Variants in SOS2 observed in about 807,000 individuals in gnomAD.
The protein encoded by SOS2 is SOS Ras/Rho guanine nucleotide exchange factor 2.
SOS2 carries 65 observed loss-of-function variants against 148.2 expected under a neutral mutation model. The observed-to-expected ratio is 0.44, with a 90% CI of 0.36 to 0.54. SOS2 has a LOEUF of 0.54. Ranked by LOEUF, SOS2 falls within the 20% of genes least tolerant of loss-of-function variation. The pLI, the probability that SOS2 is intolerant of heterozygous loss-of-function variation, is 0.00. For synonymous variants in SOS2, 539 were observed against 537.1 expected, an observed-to-expected ratio of 1.00 and a Z score of -0.05; for missense variants, 1,341 against 1,590.2, an observed-to-expected ratio of 0.84 and a Z score of 2.67.
intron 8 of SOS2, among the ~76,000 whole-genome samples, chr14:50,174,078 C>G (rs1885449787): frequency 6.6e-6 from 1 of 152,282 alleles, no homozygotes; most frequent in South Asian, 2.1e-4. Flanking sequence ...TAAGCCACAG[C>G]TACTTTTGCC....
chr14:50,231,201 C>A lies in SOS2; in HGVS notation c.83G>T (p.Arg28Leu). ...CGCCCCGCCCCTAGCACTGACCTTC[C>A]GCAGGGCCGAGACCAACAGTCCCCG... The part of the protein sequence containing the change: ...KWRGLLVSAL[R>L]KVQEQVHPTL... The change falls in exon 1 of 23, where the codon CGG becomes CTG. Residue 28 changes from arginine to leucine, a missense_variant. Around this residue, in one of 4 missense-constraint regions of SOS2, gnomAD observed 574 missense variants for 711.1 expected, o/e 0.81. Transcript: ENST00000216373. 1.4e-6 allele frequency: 2 copies of A among 1,475,600 alleles called. No homozygotes were observed. The highest frequency in any genetic ancestry group is 9.1e-7 in the Non-Finnish European group (1 of 1,097,722). The allele number at this position is 1,475,600 out of a possible 1,614,324, so 91.4% of individuals were successfully genotyped here. A position where few individuals can be genotyped will look rare whatever the true frequency, so the allele number is the denominator to read the frequency against.
chr14:50,204,222 G>T, intron 2 of SOS2, 62 bp downstream of exon 2: 2 of 975,942 alleles, frequency 2.0e-6, no homozygotes, highest in Non-Finnish European at 3.0e-6. Context: ...GAATGATATA[G>T]ATACAAAAAT....
chr14:50,179,273 TA>T (rs2139697046), intron 7 of SOS2, among the ~76,000 whole-genome samples: 1 of 152,210 alleles, frequency 6.6e-6, no homozygotes, highest in South Asian at 2.1e-4. Context: ...TCACTCTAGT[TA>T]ATTATTCTAC....
intron 18 of SOS2, 33 bp downstream of exon 18, chr14:50,138,579 T>A: frequency 1.6e-6 from 2 of 1,215,064 alleles, no homozygotes; most frequent in Non-Finnish European, 2.3e-6. Flanking sequence ...ATTAACACGT[T>A]CTCTTCTAAA....
chr14:50,127,787 C>A (rs1215441534), intron 21 of SOS2, among the ~76,000 whole-genome samples: 2 of 152,170 alleles, frequency 1.3e-5, no homozygotes, highest in African/African-American at 4.8e-5. Flanking sequence ...ATCACTCTCA[C>A]ATCTAGAATA....
At chr14:50,181,905 T>TTTCCA (rs1885753136) in intron 6 of SOS2, among the ~76,000 whole-genome samples, 1 of 151,964 alleles carries the variant, frequency 6.6e-6, no homozygotes, top group Non-Finnish European at 1.5e-5. Context: ...ATAAAGCTTC[T>TTTCCA]TTCCAACTTT....
At chr14:50,149,888 A>G in intron 14 of SOS2, 120 bp downstream of exon 14, 4 of 720,606 alleles carry the variant, frequency 5.6e-6, no homozygotes, top group Non-Finnish European at 9.5e-6. Flanking sequence ...CTTTCCTCTA[A>G]GCCCATGAGA....
Position 50,145,465 on chromosome 14 carries a change from A to G in SOS2, c.2504+12T>C, listed in dbSNP as rs1450971042. ...GGCTATTAGGAGGTAGTAAGAGTAA[A>G]TTAAAACTTACTTTTCAAACCAGAG... On this transcript the variant is annotated intron_variant, in intron 15 of 22. Coordinates refer to ENST00000216373, the MANE Select transcript of SOS2 (RefSeq NM_006939.4). 1 of 1,594,528 alleles carries G rather than the reference A, an allele frequency of 6.3e-7. No individual in the cohort carries two copies. The highest frequency in any genetic ancestry group is 1.7e-5 in the Admixed American group (1 of 57,328).
chr14:50,129,064 G>T (rs1450047976), intron 21 of SOS2, among the ~76,000 whole-genome samples: 1 of 152,130 alleles, frequency 6.6e-6, no homozygotes, highest in Non-Finnish European at 1.5e-5. Context: ...TATACCCAAA[G>T]GTGCTGTGTT....
intron 21 of SOS2, among the ~76,000 whole-genome samples, chr14:50,122,391 C>CTTTTTTTTGTTTTTTTTTTTT (rs1883542446): frequency 1.1e-5 from 1 of 88,308 alleles, no homozygotes; most frequent in African/African-American, 4.8e-5. Context: ...GAACCCTGGG[C>CTTTTTTTTGTTTTTTTTTTTT]TTTTTTTTTT....
intron 1 of SOS2, among the ~76,000 whole-genome samples, chr14:50,219,415 A>T (rs1050931144): frequency 1.3e-5 from 2 of 152,064 alleles, no homozygotes; most frequent in Non-Finnish European, 2.9e-5. Context: ...AGCCAGATTG[A>T]AAAAAAAGAG....
At chr14:50,195,504 G>A (rs903712476) in intron 4 of SOS2, among the ~76,000 whole-genome samples, 1 of 152,160 alleles carries the variant, frequency 6.6e-6, no homozygotes, top group Non-Finnish European at 1.5e-5. Context: ...GCCAACACCT[G>A]TAATCCCAGC....
intron 3 of SOS2, 45 bp from the exon 4 acceptor site, chr14:50,199,900 A>AC: frequency 8.0e-7 from 1 of 1,244,904 alleles, no homozygotes; most frequent in Non-Finnish European, 1.1e-6. Flanking sequence ...TAGCACTGTC[A>AC]AGTATTACAC....
chr14:50,161,405 C>G, intron 9 of SOS2, 77 bp downstream of exon 9: 1 of 1,140,598 alleles, frequency 8.8e-7, no homozygotes, highest in Non-Finnish European at 1.3e-6. Flanking sequence ...CACAATAAAT[C>G]ACACTTCTTT....
chr14:50,209,274 C>CGTGTGTGTGTGTGTGTGTGCGT (rs1886781113), intron 1 of SOS2, among the ~76,000 whole-genome samples: 2 of 118,276 alleles, frequency 1.7e-5, no homozygotes, highest in Non-Finnish European at 3.7e-5. Flanking sequence ...CCTTAAATGT[C>CGTGTGTGTGTGTGTGTGTGCGT]GTGTGTGTGT....
chr14:50,191,291 T>C (rs1222093357), intron 4 of SOS2, among the ~76,000 whole-genome samples: 1 of 151,752 alleles, frequency 6.6e-6, no homozygotes, highest in Non-Finnish European at 1.5e-5. Flanking sequence ...ATAGCAAGAT[T>C]CTATCTCTAC....
intron 4 of SOS2, among the ~76,000 whole-genome samples, chr14:50,199,260 A>G (rs190071679): frequency 1.0e-3 from 155 of 152,318 alleles, no homozygotes; most frequent in Non-Finnish European, 3.8e-4. Flanking sequence ...GACAGATATA[A>G]AAACAAAAAA....
At chr14:50,198,608 T>C (rs1463229439) in intron 4 of SOS2, among the ~76,000 whole-genome samples, 1 of 152,192 alleles carries the variant, frequency 6.6e-6, no homozygotes, top group Non-Finnish European at 1.5e-5. Context: ...CTATTAATTC[T>C]GATGTGCAGT....
intron 9 of SOS2, among the ~76,000 whole-genome samples, chr14:50,161,196 G>A (rs1884996314): frequency 2.0e-5 from 3 of 151,278 alleles, no homozygotes; most frequent in African/African-American, 7.3e-5. Flanking sequence ...GGGAGGCGAA[G>A]GCAGGAGAAT....
Sources: allele counts gnomAD v4.1 joint callset (sites outside exome capture counted in the v4.1 genomes callset), GRCh38; gene constraint gnomAD v4.1.1; regional missense constraint gnomAD v4.1.1; transcripts MANE v1.5; gene names NCBI Gene and HGNC (gene_info 2026-07-23, HGNC 2026-07-21).